The following NCK2 variants were observed in gnomAD, a reference collection of about 807,000 sequenced individuals.
The protein encoded by NCK2 is cytoplasmic protein NCK2.
A neutral mutation model predicts 33.9 loss-of-function variants in NCK2; 16 were observed. That is an observed-to-expected ratio of 0.47 (90% CI 0.32 to 0.72). NCK2 has a LOEUF of 0.72. NCK2 is among the 30% of genes least tolerant of loss of function. NCK2 has a pLI of 0.03. For missense variants in NCK2, 418 were observed against 537.3 expected (o/e 0.78, Z 2.19); for synonymous variants, 273 against 239.9 (o/e 1.14, Z -1.27).
intron 3 of NCK2, among the ~76,000 whole-genome samples, chr2:105,862,685 T>C (rs1677586785): frequency 6.6e-6 from 1 of 152,190 alleles, no homozygotes; most frequent in Non-Finnish European, 1.5e-5. Context: ...TTGATATAAA[T>C]TTACTGATTT....
intron 2 of NCK2, among the ~76,000 whole-genome samples, chr2:105,820,375 C>T (rs1259256081): frequency 6.6e-6 from 1 of 152,172 alleles, no homozygotes; most frequent in Non-Finnish European, 1.5e-5. Flanking sequence ...GGGATGTCAG[C>T]CTTGGATGCA....
chr2:105,795,013 G>A (rs558646573), intron 1 of NCK2, among the ~76,000 whole-genome samples: 66 of 151,946 alleles, frequency 4.3e-4, no homozygotes, highest in African/African-American at 1.5e-3. Context: ...TTTAAAAAAA[G>A]TTTTATTTTT....
At chr2:105,756,393 G>T (rs1689599900) in intron 1 of NCK2, among the ~76,000 whole-genome samples, 1 of 152,192 alleles carries the variant, frequency 6.6e-6, no homozygotes, top group African/African-American at 2.4e-5. Flanking sequence ...AGACCTGTGA[G>T]AAATTAATAG....
rs1044649923 is a variant in NCK2 at position 105,787,477 on chromosome 2, C to T, written c.-200-28953C>T. Among the ~76,000 whole-genome samples, 14 of 152,270 alleles carry T rather than the reference C, an allele frequency of 9.2e-5. No individual in the cohort carries two copies. The East Asian group carries it at 1.2e-3, about 13-fold the overall frequency. The stretch of plus-strand genomic sequence containing the variant: ...CTCTCTCTGCCACCTGAGGACATAG[C>T]GAGAAGGCAGCCATCGGCAAGCCAG... On this transcript the variant is annotated intron_variant, in intron 1 of 4. Transcript: ENST00000233154.
intron 3 of NCK2, among the ~76,000 whole-genome samples, chr2:105,871,503 CT>C (rs369980011): frequency 4.7e-5 from 7 of 148,376 alleles, no homozygotes; most frequent in Non-Finnish European, 7.5e-5. Flanking sequence ...TTTCTTTTTT[CT>C]TTTTTTTTTG....
intron 3 of NCK2, among the ~76,000 whole-genome samples, chr2:105,864,296 A>G (rs1330978382): frequency 2.6e-5 from 4 of 152,092 alleles, no homozygotes; most frequent in Non-Finnish European, 5.9e-5. Context: ...ACCCAGGGTG[A>G]CATCCCAAGC....
At chr2:105,800,805 G>A (rs1467378122) in intron 1 of NCK2, among the ~76,000 whole-genome samples, 1 of 152,272 alleles carries the variant, frequency 6.6e-6, no homozygotes, top group East Asian at 1.9e-4. Flanking sequence ...AACAAATGTC[G>A]TGAAGAAGGA....
intron 2 of NCK2, among the ~76,000 whole-genome samples, chr2:105,842,618 ATC>A (rs1472121692): frequency 6.6e-6 from 1 of 152,100 alleles, no homozygotes; most frequent in Non-Finnish European, 1.5e-5. Context: ...AGCCACTGAG[ATC>A]TCTCTAAGTG....
intron 1 of NCK2, among the ~76,000 whole-genome samples, chr2:105,785,008 T>A (rs1690627751): frequency 6.6e-6 from 1 of 152,232 alleles, no homozygotes; most frequent in African/African-American, 2.4e-5. Flanking sequence ...AGACGGAGTC[T>A]CGCTCTGTCG....
At chr2:105,744,878 C>CGCT, upstream of NCK2, 1 of 161,042 alleles carries the variant, frequency 6.2e-6, no homozygotes, top group Non-Finnish European at 1.3e-5. Context: ...CCGCCGCCGC[C>CGCT]GCCGCCGCCG....
At chr2:105,810,455 G>A (rs1026580824) in intron 1 of NCK2, among the ~76,000 whole-genome samples, 4 of 152,110 alleles carry the variant, frequency 2.6e-5, no homozygotes, top group African/African-American at 9.7e-5. Flanking sequence ...AGGGGGGTTT[G>A]CACAGTTTTT....
intron 1 of NCK2, among the ~76,000 whole-genome samples, chr2:105,806,235 T>C (rs921562831): frequency 1.2e-3 from 62 of 51,386 alleles, no homozygotes; most frequent in Non-Finnish European, 2.3e-3. Flanking sequence ...TCACATTTTC[T>C]TTCTTTTTTT....
intron 3 of NCK2, among the ~76,000 whole-genome samples, chr2:105,877,402 C>T (rs887312452): frequency 6.6e-6 from 1 of 152,228 alleles, no homozygotes; most frequent in African/African-American, 2.4e-5. Flanking sequence ...AAGGGACCTG[C>T]TTTCTCAGCA....
In NCK2 at chr2:105,856,129, C is replaced by T. The variant is rs537436435; in HGVS notation, c.226+840C>T. Among the ~76,000 whole-genome samples, 344 of 151,546 alleles carry T rather than the reference C, an allele frequency of 2.3e-3. 1 individual carries two copies. The highest frequency in any genetic ancestry group is 3.6e-3 in the Non-Finnish European group (241 of 67,842). ...GATTACAGGCGTGAGCCACCGTGCC[C>T]GGCTCCCCATGTGCCTCTTGTTTTC... is the stretch of plus-strand genomic sequence containing the variant. On this transcript the variant is annotated intron_variant, in intron 3 of 4. Coordinates refer to ENST00000233154, the MANE Select transcript of NCK2 (RefSeq NM_003581.5).
intron 2 of NCK2, among the ~76,000 whole-genome samples, chr2:105,846,142 C>G (rs549647684): frequency 6.6e-6 from 1 of 152,144 alleles, no homozygotes; most frequent in African/African-American, 2.4e-5. Context: ...AAGACACCAA[C>G]GAGAAAGCCA....
At chr2:105,762,482 T>A (rs1337534825) in intron 1 of NCK2, among the ~76,000 whole-genome samples, 1 of 152,202 alleles carries the variant, frequency 6.6e-6, no homozygotes, top group Non-Finnish European at 1.5e-5. Context: ...GGTCTTGACG[T>A]AGTGTGAAGT....
chr2:105,757,597 C>T (rs1689634664), intron 1 of NCK2, among the ~76,000 whole-genome samples: 2 of 152,214 alleles, frequency 1.3e-5, no homozygotes, highest in African/African-American at 4.8e-5. Context: ...AGGCACTGTG[C>T]TGGGTGCCGT....
chr2:105,893,506 G>A lies in NCK2; in HGVS notation c.*330G>A, dbSNP rs1035843262. 2 of 285,784 alleles carry A rather than the reference G, an allele frequency of 7.0e-6. No homozygotes were observed. Among genetic ancestry groups the A allele is most frequent in the Non-Finnish European group, 1.4e-5 (2 of 144,612 alleles). The allele number at this position is 285,784 out of a possible 1,614,324, so 17.7% of individuals were successfully genotyped here. ...AGACGCAGGGCACCTGTGAGCGCAG[G>A]AGCGAGCCTAAGGCCACCCAGCGGC... On this transcript the variant is annotated 3_prime_UTR_variant, in exon 5 of 5. Coordinates refer to ENST00000233154, the MANE Select transcript of NCK2 (RefSeq NM_003581.5).
At chr2:105,860,090 G>T (rs1421209590) in intron 3 of NCK2, among the ~76,000 whole-genome samples, 1 of 152,160 alleles carries the variant, frequency 6.6e-6, no homozygotes, top group Non-Finnish European at 1.5e-5. Flanking sequence ...TTTGAGACCA[G>T]CCTGGGGAAC....
Sources: allele counts gnomAD v4.1 joint callset (sites outside exome capture counted in the v4.1 genomes callset), GRCh38; gene constraint gnomAD v4.1.1; transcripts MANE v1.5; gene names NCBI Gene and HGNC (gene_info 2026-07-23, HGNC 2026-07-21).